ZMAT4: variants seen among roughly 807,000 people sequenced by gnomAD.
ZMAT4 encodes the protein zinc finger matrin-type 4, also known as zinc finger matrin-type protein 4.
ZMAT4 carries 17 observed loss-of-function variants against 28.7 expected under a neutral mutation model. The observed-to-expected ratio is 0.59, with a 90% CI of 0.41 to 0.89. ZMAT4 has a LOEUF of 0.89. ZMAT4 is among the 40% of genes least tolerant of loss of function. The probability of loss-of-function intolerance (pLI) is 0.00; values close to 1 mark genes in which losing one functional copy is unlikely to be tolerated. For missense variants in ZMAT4, 240 were observed against 283.8 expected, an observed-to-expected ratio of 0.85 and a Z score of 1.11; for synonymous variants, 117 against 109.2, an observed-to-expected ratio of 1.07 and a Z score of -0.44.
chr8:40,535,934 A>C (rs1802832837), intron 6 of ZMAT4, among the ~76,000 whole-genome samples: 1 of 152,174 alleles, frequency 6.6e-6, no homozygotes, highest in African/African-American at 2.4e-5. Context: ...GTCATGGGCC[A>C]TGGTTTACAT....
intron 6 of ZMAT4, among the ~76,000 whole-genome samples, chr8:40,566,013 C>T (rs895697088): frequency 2.0e-5 from 3 of 152,074 alleles, no homozygotes; most frequent in African/African-American, 7.2e-5. Flanking sequence ...TAAAAATTAC[C>T]TGAGCATTTT....
chr8:40,855,459 C>T (rs1817262465), intron 1 of ZMAT4, among the ~76,000 whole-genome samples: 1 of 152,096 alleles, frequency 6.6e-6, no homozygotes, highest in African/African-American at 2.4e-5. Context: ...CACAAAACTC[C>T]ACAGGTTCTG....
intron 1 of ZMAT4, among the ~76,000 whole-genome samples, chr8:40,850,660 G>C (rs937780205): frequency 3.9e-5 from 6 of 152,292 alleles, no homozygotes; most frequent in African/African-American, 1.4e-4. Context: ...CAGTCCCTGA[G>C]TTCTTTCTCA....
chr8:40,621,914 C>T (rs1585771542), intron 5 of ZMAT4, among the ~76,000 whole-genome samples: 1 of 152,210 alleles, frequency 6.6e-6, no homozygotes, highest in Admixed American at 6.5e-5. Context: ...TCAGTTGTGG[C>T]AGAACTAACA....
intron 6 of ZMAT4, among the ~76,000 whole-genome samples, chr8:40,543,085 A>G (rs997496237): frequency 2.6e-5 from 4 of 151,788 alleles, no homozygotes; most frequent in African/African-American, 9.7e-5. Flanking sequence ...AGTGAATTCT[A>G]TGCTAACTTT....
chr8:40,882,812 A>G lies in ZMAT4; in HGVS notation c.-5+14871T>C, dbSNP rs532471164. 2.0e-5 allele frequency among the ~76,000 whole-genome samples: 3 copies of G among 152,250 alleles called. No individual in the cohort carries two copies. In the South Asian group the frequency reaches 6.2e-4, roughly 32 times the overall value. ...AGAGAAATCTGTGGAGTTACCTTGG[A>G]TTAGATCAACTTCGGTTCGCTATAG... On this transcript the variant is annotated intron_variant, in intron 1 of 6. Transcript: ENST00000297737.
chr8:40,860,158 T>A (rs1438448332), intron 1 of ZMAT4, among the ~76,000 whole-genome samples: 2 of 152,136 alleles, frequency 1.3e-5, no homozygotes, highest in African/African-American at 4.8e-5. Flanking sequence ...CGTTCAGTAA[T>A]GACACCTGCC....
At chr8:40,552,987 G>A (rs187749551) in intron 6 of ZMAT4, among the ~76,000 whole-genome samples, 3 of 152,278 alleles carry the variant, frequency 2.0e-5, no homozygotes, top group African/African-American at 7.2e-5. Context: ...TGCTGCTCAA[G>A]GTCATCGCCA....
rs565531536 is a variant in ZMAT4 at position 40,756,962 on chromosome 8, G to A, written c.192+10679C>T. On this transcript the variant is annotated intron_variant, in intron 3 of 6. Transcript: ENST00000297737. ...CTCAGCACTGTCACTCAGCCTGAAG[G>A]AAGCTTATTTAATGCATGTCTTTTC... Among the ~76,000 whole-genome samples, 18 of 152,222 alleles carry A rather than the reference G, an allele frequency of 1.2e-4. No individual in the cohort carries two copies. In the East Asian group the frequency reaches 3.5e-3, roughly 29 times the overall value.
intron 5 of ZMAT4, among the ~76,000 whole-genome samples, chr8:40,609,774 T>C (rs1322689327): frequency 6.6e-6 from 1 of 152,198 alleles, no homozygotes; most frequent in Non-Finnish European, 1.5e-5. Flanking sequence ...TGTAAATTCT[T>C]ATAGCTTTGA....
chr8:40,563,559 C>G (rs1393579967), intron 6 of ZMAT4, among the ~76,000 whole-genome samples: 1 of 152,164 alleles, frequency 6.6e-6, no homozygotes, highest in African/African-American at 2.4e-5. Context: ...AGATGCAATT[C>G]ATCTTCTTTG....
intron 6 of ZMAT4, among the ~76,000 whole-genome samples, chr8:40,541,499 A>T (rs958441288): frequency 6.6e-6 from 1 of 152,220 alleles, no homozygotes; most frequent in African/African-American, 2.4e-5. Context: ...TTAAAATTAA[A>T]TACAATTTAA....
intron 1 of ZMAT4, among the ~76,000 whole-genome samples, chr8:40,835,222 G>A (rs1178860926): frequency 6.6e-6 from 1 of 152,194 alleles, no homozygotes; most frequent in Admixed American, 6.5e-5. Flanking sequence ...GGGAAAGCCA[G>A]AGGCAGAGAG....
rs920784294 is a variant in ZMAT4 at position 40,719,985 on chromosome 8, T to C, written c.193-22584A>G. ...AGTCCTGTCTGGATGTTAAGATCTG[T>C]AGACAATTCCACCATGCCCTCTGCA... On this transcript the variant is annotated intron_variant, in intron 3 of 6. Coordinates refer to ENST00000297737, the MANE Select transcript of ZMAT4 (RefSeq NM_024645.3). Among the ~76,000 whole-genome samples, 12 of 152,330 alleles carry C rather than the reference T, an allele frequency of 7.9e-5. No individual in the cohort carries two copies. The East Asian group carries it at 2.3e-3, about 29-fold the overall frequency.
At chr8:40,560,232 G>C (rs1480714212) in intron 6 of ZMAT4, among the ~76,000 whole-genome samples, 2 of 150,840 alleles carry the variant, frequency 1.3e-5, no homozygotes, top group Admixed American at 1.3e-4. Context: ...TTGACCAAGG[G>C]AAATTGTACA....
chr8:40,556,200 T>C (rs1803529116), intron 6 of ZMAT4, among the ~76,000 whole-genome samples: 1 of 152,184 alleles, frequency 6.6e-6, no homozygotes, highest in African/African-American at 2.4e-5. Flanking sequence ...TGGTTTTAAC[T>C]ACCGCTAGAT....
At chr8:40,534,729 C>T (rs1394812691) in intron 6 of ZMAT4, among the ~76,000 whole-genome samples, 1 of 131,678 alleles carries the variant, frequency 7.6e-6, no homozygotes, top group Non-Finnish European at 1.5e-5. Context: ...GTCGCCCAGG[C>T]TGGAGTGCAG....
At chr8:40,858,728 G>A (rs993817945) in intron 1 of ZMAT4, among the ~76,000 whole-genome samples, 5 of 152,102 alleles carry the variant, frequency 3.3e-5, no homozygotes, top group Admixed American at 1.3e-4. Flanking sequence ...AGTCTTCAAG[G>A]TACTAGCAAG....
At chr8:40,829,497 G>A (rs1816198559) in intron 1 of ZMAT4, among the ~76,000 whole-genome samples, 1 of 152,184 alleles carries the variant, frequency 6.6e-6, no homozygotes, top group Non-Finnish European at 1.5e-5. Context: ...GCTCAGAGGT[G>A]CATCTAGGTA....
Sources: allele counts gnomAD v4.1 joint callset (sites outside exome capture counted in the v4.1 genomes callset), GRCh38; gene constraint gnomAD v4.1.1; transcripts MANE v1.5; gene names NCBI Gene and HGNC (gene_info 2026-07-23, HGNC 2026-07-21).